The following ASNS variants were observed in gnomAD, a reference collection of about 807,000 sequenced individuals.
ASNS encodes asparagine synthetase [glutamine-hydrolyzing].
ASNS carries 37 observed loss-of-function variants against 62.6 expected under a neutral mutation model. The observed-to-expected ratio is 0.59, with a 90% CI of 0.45 to 0.78. The LOEUF is 0.78. Among genes scored for constraint, ASNS ranks in the 30% least tolerant of loss-of-function variants. The pLI is 0.00. For missense variants in ASNS, 520 were observed against 682.4 expected, an observed-to-expected ratio of 0.76 and a Z score of 2.65; for synonymous variants, 207 against 237.9, an observed-to-expected ratio of 0.87 and a Z score of 1.19.
At chr7:97,899,344 A>G in the ASNS span, among the ~76,000 whole-genome samples, 3 of 152,002 alleles carry the variant, frequency 2.0e-5, no homozygotes, top group Admixed American at 6.6e-5. Context: ...GCTGGCCTGG[A>G]ACTCCTGGCC....
At chr7:97,904,822 T>G in the ASNS span, among the ~76,000 whole-genome samples, 2 of 152,252 alleles carry the variant, frequency 1.3e-5, no homozygotes, top group Non-Finnish European at 1.5e-5. Context: ...TGGTGGTCTT[T>G]CAACAATAGG....
At chr7:97,861,940 C>G (rs1791743125) in intron 4 of ASNS, among the ~76,000 whole-genome samples, 1 of 152,096 alleles carries the variant, frequency 6.6e-6, no homozygotes, top group Non-Finnish European at 1.5e-5. Flanking sequence ...AAGTTGCTTT[C>G]TTAATTTCAT....
the ASNS span, among the ~76,000 whole-genome samples, chr7:97,881,006 T>C: frequency 6.6e-6 from 1 of 152,168 alleles, no homozygotes; most frequent in Non-Finnish European, 1.5e-5. Context: ...AGTGGTGCGA[T>C]CTCAGCTCAC....
At chr7:97,866,835 CT>C (rs1425230167) in intron 3 of ASNS, among the ~76,000 whole-genome samples, 1 of 152,214 alleles carries the variant, frequency 6.6e-6, no homozygotes, top group Non-Finnish European at 1.5e-5. Context: ...TCACCCCTCT[CT>C]GCTCTATCAG....
At chr7:97,855,270 T>C in intron 9 of ASNS, 83 bp downstream of exon 9, 1 of 984,744 alleles carries the variant, frequency 1.0e-6, no homozygotes, top group Non-Finnish European at 1.6e-6. Context: ...ATCACTGTCA[T>C]ACTGAAAGAT....
the ASNS span, among the ~76,000 whole-genome samples, chr7:97,916,552 G>T: frequency 6.6e-6 from 1 of 152,162 alleles, no homozygotes; most frequent in Non-Finnish European, 1.5e-5. Flanking sequence ...TGATGGATCA[G>T]GCACACAGGC....
At chr7:97,872,806 A>C (rs1792350512), upstream of ASNS, among the ~76,000 whole-genome samples, 2 of 152,254 alleles carry the variant, frequency 1.3e-5, no homozygotes, top group Non-Finnish European at 2.9e-5. Context: ...TATAAGATCT[A>C]TTAATAAATC....
chr7:97,911,633 C>A, the ASNS span, among the ~76,000 whole-genome samples: 10 of 152,086 alleles, frequency 6.6e-5, no homozygotes, highest in East Asian at 1.7e-3. Context: ...CAGACCCTGT[C>A]TCAAACAAAC....
intron 7 of ASNS, 48 bp from the exon 8 acceptor site, chr7:97,856,864 C>T: frequency 2.0e-6 from 3 of 1,518,702 alleles, no homozygotes; most frequent in Non-Finnish European, 2.7e-6. Context: ...AAAATAACTT[C>T]CCTTGAAAAT....
chr7:97,863,952 G>T (rs1200108674), intron 4 of ASNS: 10 of 263,896 alleles, frequency 3.8e-5, no homozygotes, highest in Non-Finnish European at 6.4e-5. Flanking sequence ...TAATTGCAGA[G>T]TCAACCCTAC....
upstream of ASNS, among the ~76,000 whole-genome samples, chr7:97,873,112 TACATC>T (rs1361690106): frequency 6.6e-6 from 1 of 152,210 alleles, no homozygotes; most frequent in Non-Finnish European, 1.5e-5. Flanking sequence ...GAAGCCAAAA[TACATC>T]AGTGGTCCTT....
chr7:97,855,200 A>C, intron 9 of ASNS, 153 bp downstream of exon 9: 2 of 567,432 alleles, frequency 3.5e-6, no homozygotes, highest in Non-Finnish European at 6.1e-6. Flanking sequence ...TTCTTCCCCA[A>C]GAGATAGAAA....
chr7:97,882,538 T>TTAAA, the ASNS span, among the ~76,000 whole-genome samples: 17,759 of 131,512 alleles, frequency 0.14, 1,828 homozygotes, highest in African/African-American at 0.21. Context: ...CAGAGAGAGA[T>TTAAA]TAAATAAATA....
At chr7:97,906,236 C>T in the ASNS span, among the ~76,000 whole-genome samples, 1 of 152,102 alleles carries the variant, frequency 6.6e-6, no homozygotes, top group East Asian at 1.9e-4. Flanking sequence ...ATTCATGCTA[C>T]CAGTTTCCCA....
chr7:97,915,892 A>T, the ASNS span, among the ~76,000 whole-genome samples: 1 of 152,224 alleles, frequency 6.6e-6, no homozygotes, highest in Non-Finnish European at 1.5e-5. Context: ...GCAATGACTA[A>T]ATAGAAACTA....
chr7:97,924,300 G>T, the ASNS span, among the ~76,000 whole-genome samples: 5 of 152,290 alleles, frequency 3.3e-5, no homozygotes, highest in Admixed American at 1.3e-4. Context: ...TTTCGGCCAG[G>T]GGGGGATGCG....
At chr7:97,906,534 A>C in the ASNS span, 1 of 178,332 alleles carries the variant, frequency 5.6e-6, no homozygotes, top group African/African-American at 2.4e-5. Flanking sequence ...ATTTTCAAGG[A>C]TTCTCCATGC....
chr7:97,859,844 C>A (rs1253356890), intron 4 of ASNS, among the ~76,000 whole-genome samples: 1 of 152,164 alleles, frequency 6.6e-6, no homozygotes, highest in Non-Finnish European at 1.5e-5. Context: ...GTTCCCAGAC[C>A]TTTAACAAGT....
At chr7:97,878,963 C>T in the ASNS span, among the ~76,000 whole-genome samples, 2 of 152,138 alleles carry the variant, frequency 1.3e-5, no homozygotes, top group Non-Finnish European at 2.9e-5. Context: ...ACCAATGGAA[C>T]AGAACAGAGC....
Sources: allele counts gnomAD v4.1 joint callset (sites outside exome capture counted in the v4.1 genomes callset), GRCh38; gene constraint gnomAD v4.1.1; transcripts MANE v1.5; gene names NCBI Gene and HGNC (gene_info 2026-07-23, HGNC 2026-07-21).